IL1RAPL2: variants seen among roughly 807,000 people sequenced by gnomAD.
IL1RAPL2 encodes X-linked interleukin-1 receptor accessory protein-like 2.
In IL1RAPL2, 3 loss-of-function variants were observed where a neutral mutation model predicts 44.1. The ratio of observed to expected loss-of-function variants is 0.07; its 90% CI spans 0.03 to 0.18. IL1RAPL2 has a LOEUF of 0.18. IL1RAPL2 is among the 10% of genes least tolerant of loss of function. IL1RAPL2 has a pLI of 1.00. For missense variants in IL1RAPL2, 391 were observed against 496.4 expected (o/e 0.79, Z 2.02); for synonymous variants, 181 against 178.8 (o/e 1.01, Z -0.10).
At chrX:105,210,819 G>C (rs2033802577) in intron 3 of IL1RAPL2, among the ~76,000 whole-genome samples, 1 of 111,196 alleles carries the variant, frequency 9.0e-6, no homozygotes. Flanking sequence ...CAGCTTCTTA[G>C]TCACTAGGTC....
chrX:105,602,190 C>A (rs2147822904), intron 6 of IL1RAPL2, among the ~76,000 whole-genome samples: 1 of 110,920 alleles, frequency 9.0e-6, no homozygotes, highest in Admixed American at 9.6e-5. Context: ...ATTGATCCTT[C>A]TGACCTACCA....
chrX:105,627,173 T>C (rs999488997), intron 6 of IL1RAPL2, among the ~76,000 whole-genome samples: 1 of 112,009 alleles, frequency 8.9e-6, no homozygotes, highest in Non-Finnish European at 1.9e-5. Flanking sequence ...TTGCATTTAT[T>C]GCTTTATCAA....
chrX:104,686,581 T>C (rs1361528120), intron 2 of IL1RAPL2, among the ~76,000 whole-genome samples: 1 of 112,103 alleles, frequency 8.9e-6, no homozygotes, highest in African/African-American at 3.2e-5. Context: ...ACTGAATAGA[T>C]AGGGTCCAGC....
intron 2 of IL1RAPL2, among the ~76,000 whole-genome samples, chrX:104,839,752 C>T (rs1281658367): frequency 9.0e-6 from 1 of 111,634 alleles, no homozygotes; most frequent in Non-Finnish European, 1.9e-5. Context: ...CTAATTACTA[C>T]CTCAATTTCC....
chrX:105,005,429 T>A (rs753346059), intron 2 of IL1RAPL2, among the ~76,000 whole-genome samples: 14 of 111,401 alleles, frequency 1.3e-4, no homozygotes, highest in Admixed American at 1.9e-4. Context: ...AAATGCAGAA[T>A]CTCAGGCCTC....
chrX:104,664,219 G>A (rs764289290), intron 2 of IL1RAPL2, among the ~76,000 whole-genome samples: 9 of 111,131 alleles, frequency 8.1e-5, no homozygotes, highest in African/African-American at 1.6e-4. Context: ...TGGTCGTTCC[G>A]CAATGATAAG....
chrX:105,372,201 C>T (rs764420294), intron 5 of IL1RAPL2, among the ~76,000 whole-genome samples: 3 of 110,672 alleles, frequency 2.7e-5, no homozygotes, highest in South Asian at 3.8e-4. Context: ...TTTGGGAGGC[C>T]GAGGTGGGCA....
intron 2 of IL1RAPL2, among the ~76,000 whole-genome samples, chrX:104,817,534 G>T (rs2147621741): frequency 8.9e-6 from 1 of 111,818 alleles, no homozygotes; most frequent in African/African-American, 3.3e-5. Flanking sequence ...GCCCATCCAA[G>T]AAATTTAAGT....
At chrX:104,770,160 G>C (rs1379809955) in intron 2 of IL1RAPL2, among the ~76,000 whole-genome samples, 1 of 110,304 alleles carries the variant, frequency 9.1e-6, no homozygotes, top group Non-Finnish European at 1.9e-5. Flanking sequence ...TTGAATTCAC[G>C]GGGCCCCTGT....
At chrX:105,317,971 T>C (rs1273181166) in intron 5 of IL1RAPL2, among the ~76,000 whole-genome samples, 1 of 107,869 alleles carries the variant, frequency 9.3e-6, no homozygotes, top group African/African-American at 3.3e-5. Context: ...CTTTCTTTCT[T>C]CTTCTTTTTT....
At chrX:104,572,865 G>T (rs1928172895) in intron 1 of IL1RAPL2, among the ~76,000 whole-genome samples, 1 of 112,325 alleles carries the variant, frequency 8.9e-6, no homozygotes, top group Non-Finnish European at 1.9e-5. Flanking sequence ...GCTTCCCAAA[G>T]TGCCGCGGTT....
At chrX:105,740,029 A>G (rs1656636641) in intron 7 of IL1RAPL2, among the ~76,000 whole-genome samples, 2 of 103,837 alleles carry the variant, frequency 1.9e-5, no homozygotes, top group Non-Finnish European at 3.9e-5. Flanking sequence ...TGACTTTTTA[A>G]TGATTGCCAT....
At chrX:104,993,424 A>G (rs2030698429) in intron 2 of IL1RAPL2, among the ~76,000 whole-genome samples, 1 of 111,958 alleles carries the variant, frequency 8.9e-6, no homozygotes, top group Admixed American at 9.5e-5. Context: ...AGACAAAGCT[A>G]GTTTGAAGAG....
At chrX:104,738,295 A>G in intron 2 of IL1RAPL2, among the ~76,000 whole-genome samples, 1 of 112,449 alleles carries the variant, frequency 8.9e-6, no homozygotes, top group East Asian at 2.8e-4. Context: ...ATAAGCTAAT[A>G]GATGGGTAGA....
intron 2 of IL1RAPL2, among the ~76,000 whole-genome samples, chrX:104,813,974 C>T (rs973398713): frequency 2.7e-5 from 3 of 111,526 alleles, no homozygotes; most frequent in Non-Finnish European, 5.7e-5. Context: ...CTTGGTCTTT[C>T]TAGTTTTTCT....
At chrX:104,695,347 GAA>G (rs1028701553) in intron 2 of IL1RAPL2, among the ~76,000 whole-genome samples, 5 of 109,085 alleles carry the variant, frequency 4.6e-5, no homozygotes, top group African/African-American at 9.9e-5. Flanking sequence ...GAGAGAGAGA[GAA>G]AGAGAGAGAG....
intron 2 of IL1RAPL2, among the ~76,000 whole-genome samples, chrX:105,111,108 A>G (rs750585488): frequency 2.4e-4 from 27 of 111,738 alleles, no homozygotes; most frequent in African/African-American, 7.8e-4. Context: ...TTAATTTAAA[A>G]TTGTTTAAAA....
intron 1 of IL1RAPL2, among the ~76,000 whole-genome samples, chrX:104,648,260 T>A (rs1303084930): frequency 8.9e-6 from 1 of 112,241 alleles, no homozygotes; most frequent in South Asian, 3.7e-4. Flanking sequence ...TATGAATGTA[T>A]CACCCCTACC....
chrX:104,746,961 C>G (rs780679133), intron 2 of IL1RAPL2, among the ~76,000 whole-genome samples: 2 of 111,515 alleles, frequency 1.8e-5, no homozygotes, highest in South Asian at 7.5e-4. Context: ...TACAGTTTTC[C>G]AGTCCTTAGA....
Sources: gnomAD v4.1 joint callset for allele counts (sites outside exome capture counted in the v4.1 genomes callset) on GRCh38, gnomAD v4.1.1 for gene constraint, MANE v1.5 for transcripts, NCBI Gene and HGNC (gene_info 2026-07-23, HGNC 2026-07-21) for gene names.